Variants in KIRREL3 observed in about 807,000 individuals in gnomAD.
KIRREL3 encodes kin of IRRE-like protein 3.
KIRREL3 carries 36 observed loss-of-function variants against 89.7 expected under a neutral mutation model. The ratio of observed to expected loss-of-function variants is 0.40; its 90% confidence interval spans 0.31 to 0.53. KIRREL3 has a LOEUF of 0.53. KIRREL3 is among the 20% of genes least tolerant of loss of function. The pLI, the probability that KIRREL3 is intolerant of heterozygous loss-of-function variation, is 0.49. For synonymous variants in KIRREL3, 445 were observed against 441.4 expected, an observed-to-expected ratio of 1.01 and a Z score of -0.10; for missense variants, 864 against 1,056.6, an observed-to-expected ratio of 0.82 and a Z score of 2.53.
rs927770894 is a variant in KIRREL3 at position 126,768,391 on chromosome 11, T to A, written c.56-205479A>T. Among the ~76,000 whole-genome samples the A allele has an allele frequency of 1.3e-5, 2 of 152,244 alleles. No individual in the cohort carries two copies. The highest frequency in any genetic ancestry group is 1.3e-4 in the Admixed American group (2 of 15,286). The stretch of plus-strand genomic sequence containing the variant: ...GCTCATTGTATGCAGGCACTGCATG[T>A]CCCAGGTCTGGAAATGCCTATGAAT... On this transcript the variant is annotated intron_variant, in intron 1 of 16. Transcript: ENST00000525144. This position sits in a 1 kb window ranked among gnomAD's most constrained non-coding sequence, Gnocchi z 4.5.
At chr11:126,457,166 C>T (rs1369657648) in intron 6 of KIRREL3, among the ~76,000 whole-genome samples, 2 of 123,818 alleles carry the variant, frequency 1.6e-5, no homozygotes, top group African/African-American at 5.5e-5. Context: ...GACATGGAGA[C>T]CATAGAGGAA....
chr11:126,869,402 T>A (rs1354602085), intron 1 of KIRREL3, among the ~76,000 whole-genome samples: 18 of 152,138 alleles, frequency 1.2e-4, no homozygotes. Context: ...CCCACTCTCC[T>A]GCAGTGTCTC....
intron 1 of KIRREL3, among the ~76,000 whole-genome samples, chr11:126,707,962 G>A (rs1056633137): frequency 2.6e-5 from 4 of 151,902 alleles, no homozygotes; most frequent in Admixed American, 1.3e-4. Context: ...CTGCCTGTTC[G>A]CTCGCTTGCA....
At chr11:126,548,755 G>C (rs188756034) in intron 2 of KIRREL3, among the ~76,000 whole-genome samples, 2 of 152,324 alleles carry the variant, frequency 1.3e-5, no homozygotes, top group African/African-American at 4.8e-5. Context: ...GGGTGCTGAT[G>C]AATCTCTGAA....
chr11:126,425,817 C>G (rs1954921715), intron 15 of KIRREL3, 93 bp from the exon 16 acceptor site: 1 of 951,056 alleles, frequency 1.1e-6, no homozygotes, highest in South Asian at 1.5e-5. Context: ...CAAAAGATTG[C>G]CCTGTATAAC....
chr11:126,875,958 G>A (rs1945270100), intron 1 of KIRREL3, among the ~76,000 whole-genome samples: 1 of 152,186 alleles, frequency 6.6e-6, no homozygotes, highest in Non-Finnish European at 1.5e-5. Context: ...GCTAGAAACA[G>A]GCAAAGGCTG....
At chr11:126,446,221 T>G (rs1955793456) in intron 9 of KIRREL3, among the ~76,000 whole-genome samples, 1 of 151,884 alleles carries the variant, frequency 6.6e-6, no homozygotes, top group Non-Finnish European at 1.5e-5. Context: ...TGGCTTTATT[T>G]GGGGGAAGTT....
At chr11:126,759,423 C>T (rs142383864) in intron 1 of KIRREL3, among the ~76,000 whole-genome samples, 12 of 152,300 alleles carry the variant, frequency 7.9e-5, no homozygotes, top group South Asian at 2.1e-4. Context: ...CCACTGTACC[C>T]GGCCATGGGT....
chr11:126,931,328 C>T lies in KIRREL3; in HGVS notation c.55+69127G>A, dbSNP rs1044533481. Among the ~76,000 whole-genome samples the T allele has an allele frequency of 4.5e-5, 6 of 133,990 alleles. No individual in the cohort carries two copies. The highest frequency in any genetic ancestry group is 1.8e-4 in the African/African-American group (6 of 33,980). The allele number at this position is 133,990 out of a possible 152,430, so 87.9% of individuals were successfully genotyped here. A position where few individuals can be genotyped will look rare whatever the true frequency, so the allele number is the denominator to read the frequency against. On this transcript the variant is annotated intron_variant, in intron 1 of 16. Transcript: ENST00000525144. The surrounding 1 kb of genome is among the most constrained non-coding windows in gnomAD (Gnocchi z 5.1). ...TGAATGGATAGACTGGAATCTATTA[C>T]CTGCCTTTCCTCCCTCCCTCCATAC...
chr11:126,424,473 G>T lies in KIRREL3; in HGVS notation c.*107C>A. ...GGCAGAGGCGCTGGGAGGCTGTCCT[G>T]GAAGTGGCCAATTCTGGTGTCCTCT... On this transcript the variant is annotated 3_prime_UTR_variant, in exon 17 of 17. Transcript: ENST00000525144. 1.9e-6 allele frequency: 2 copies of T among 1,079,918 alleles called. No homozygotes were observed. Among genetic ancestry groups the T allele is most frequent in the Non-Finnish European group, 2.7e-6 (2 of 744,232 alleles). 66.9% of individuals were successfully genotyped at this position (1,079,918 alleles called of 1,614,324 possible).
rs1948858342 is a variant in KIRREL3 at position 126,954,272 on chromosome 11, A to C, written c.55+46183T>G. Among the ~76,000 whole-genome samples the C allele has an allele frequency of 6.6e-6, 1 of 152,038 alleles. No homozygotes were observed. The highest frequency in any genetic ancestry group is 2.4e-5 in the African/African-American group (1 of 41,406). ...AGCTTTCATCAGGCCTCTTAAAAAAAAAAAAGCCCTGCCTCACAGTTGACA... is the reference window on the plus strand; with the variant it reads ...AGCTTTCATCAGGCCTCTTAAAAAACAAAAAGCCCTGCCTCACAGTTGACA... On this transcript the variant is annotated intron_variant, in intron 1 of 16. Transcript: ENST00000525144. This position sits in a 1 kb window ranked among gnomAD's most constrained non-coding sequence, Gnocchi z 4.1.
chr11:126,871,972 C>T (rs1832211539), intron 1 of KIRREL3, among the ~76,000 whole-genome samples: 2 of 152,154 alleles, frequency 1.3e-5, no homozygotes, highest in Admixed American at 6.5e-5. Context: ...CCTGTTTCAC[C>T]ACAGTTCCCT....
rs1940760706 is a variant in KIRREL3, at chr11:126,569,401, T to G, written c.56-6489A>C. On this transcript the variant is annotated intron_variant, in intron 1 of 16. Coordinates refer to ENST00000525144, the MANE Select transcript of KIRREL3 (RefSeq NM_032531.4). This position sits in a 1 kb window ranked among gnomAD's most constrained non-coding sequence, Gnocchi z 6.5. Reference sequence around the variant, plus strand: ...GTTGGATCCTGTGGGTAGACTCTGCTACAAGCATTAATCCTACCCCTCTGG... The same window carrying G: ...GTTGGATCCTGTGGGTAGACTCTGCGACAAGCATTAATCCTACCCCTCTGG... Among the ~76,000 whole-genome samples the G allele has an allele frequency of 6.6e-6, 1 of 152,152 alleles. No individual in the cohort carries two copies. The highest frequency in any genetic ancestry group is 1.5e-5 in the Non-Finnish European group (1 of 68,026).
chr11:126,854,512 A>G (rs1457827344), intron 1 of KIRREL3, among the ~76,000 whole-genome samples: 2 of 152,210 alleles, frequency 1.3e-5, no homozygotes, highest in Non-Finnish European at 2.9e-5. Context: ...TTAACTTAGC[A>G]TGTATTCCAG....
chr11:126,686,251 T>C lies in KIRREL3; in HGVS notation c.56-123339A>G, dbSNP rs1267241562. On this transcript the variant is annotated intron_variant, in intron 1 of 16. Coordinates refer to ENST00000525144, the MANE Select transcript of KIRREL3 (RefSeq NM_032531.4). The surrounding 1 kb of genome is among the most constrained non-coding windows in gnomAD (Gnocchi z 4.7). ...GGTGTGGAGGCAGGTCTCCATGGAT[T>C]GTACGGCTTTCCCAAGGCCTGCTCC... Among the ~76,000 whole-genome samples, 1 of 152,236 alleles carries C rather than the reference T, an allele frequency of 6.6e-6. No individual in the cohort carries two copies. Among genetic ancestry groups the C allele is most frequent in the Non-Finnish European group, 1.5e-5 (1 of 68,040 alleles).
intron 4 of KIRREL3, among the ~76,000 whole-genome samples, chr11:126,500,925 T>C (rs1957838046): frequency 6.6e-6 from 1 of 152,204 alleles, no homozygotes; most frequent in African/African-American, 2.4e-5. Flanking sequence ...ATTCACAGCT[T>C]CTTGAATGGC....
intron 1 of KIRREL3, among the ~76,000 whole-genome samples, chr11:126,947,358 AC>A (rs916698537): frequency 6.6e-6 from 1 of 152,090 alleles, no homozygotes; most frequent in African/African-American, 2.4e-5. Flanking sequence ...CTCTACCATA[AC>A]CTGATTCCAG....
At chr11:126,921,356 G>A (rs1023829933) in intron 1 of KIRREL3, among the ~76,000 whole-genome samples, 1 of 152,088 alleles carries the variant, frequency 6.6e-6, no homozygotes, top group Non-Finnish European at 1.5e-5. Flanking sequence ...AATTGTGTGA[G>A]CCAATTCACC....
In KIRREL3 at chr11:126,575,616, G is replaced by C. The variant is rs1941215132; in HGVS notation, c.56-12704C>G. ...TCAGGAAAATAATAAGATACTCTAAGATTAGCCTGAGGAATCCAGTTCTGT... is the reference window on the plus strand; with the variant it reads ...TCAGGAAAATAATAAGATACTCTAACATTAGCCTGAGGAATCCAGTTCTGT... On this transcript the variant is annotated intron_variant, in intron 1 of 16. Coordinates refer to ENST00000525144, the MANE Select transcript of KIRREL3 (RefSeq NM_032531.4). This position sits in a 1 kb window ranked among gnomAD's most constrained non-coding sequence, Gnocchi z 7.0. 6.6e-6 allele frequency among the ~76,000 whole-genome samples: 1 copy of C among 152,166 alleles called. No homozygotes were observed. The highest frequency in any genetic ancestry group is 2.1e-4 in the South Asian group (1 of 4,820).
Sources: allele counts gnomAD v4.1 joint callset (sites outside exome capture counted in the v4.1 genomes callset), GRCh38; gene constraint gnomAD v4.1.1; non-coding constraint Gnocchi (gnomAD v3.1); transcripts MANE v1.5; gene names NCBI Gene and HGNC (gene_info 2026-07-23, HGNC 2026-07-21).